IER3IP1: variants seen among roughly 807,000 people sequenced by gnomAD.
The protein encoded by IER3IP1 is immediate early response 3-interacting protein 1.
Under a neutral mutation model 12.2 loss-of-function variants are expected in IER3IP1, and 16 were observed. That is an observed-to-expected ratio of 1.31 (90% confidence interval 0.89 to 1.99). The LOEUF is 1.99. Among genes scored for constraint, IER3IP1 ranks in the 30% most tolerant of loss-of-function variants. The pLI is 0.00. For missense variants in IER3IP1, 95 were observed against 95.8 expected, an observed-to-expected ratio of 0.99 and a Z score of 0.03; for synonymous variants, 42 against 40.0, an observed-to-expected ratio of 1.05 and a Z score of -0.19.
At chr18:47,168,114 A>C (rs977827466) in intron 1 of IER3IP1, among the ~76,000 whole-genome samples, 2 of 140,758 alleles carry the variant, frequency 1.4e-5, no homozygotes, top group African/African-American at 5.4e-5. Context: ...TGACAGAGCA[A>C]GACTCCGTCT....
At chr18:47,159,921 C>A (rs890137361) in intron 1 of IER3IP1, among the ~76,000 whole-genome samples, 2 of 151,706 alleles carry the variant, frequency 1.3e-5, no homozygotes, top group Non-Finnish European at 2.9e-5. Context: ...CTTGGCCGGG[C>A]GCGGTGGCTC....
intron 1 of IER3IP1, among the ~76,000 whole-genome samples, chr18:47,173,965 C>G (rs2064023179): frequency 6.6e-6 from 1 of 152,232 alleles, no homozygotes; most frequent in South Asian, 2.1e-4. Flanking sequence ...GGGCACCAGT[C>G]ATTGGCTCTA....
At chr18:47,173,464 C>A (rs2064021617) in intron 1 of IER3IP1, among the ~76,000 whole-genome samples, 1 of 152,154 alleles carries the variant, frequency 6.6e-6, no homozygotes, top group South Asian at 2.1e-4. Context: ...CCTGCCTAAG[C>A]CTCCAGAGTA....
chr18:47,167,324 T>C lies in IER3IP1; in HGVS notation c.91+8863A>G, dbSNP rs367779950. ...CCTCAGCCTCCCAAAAGGCTGGGAT[T>C]ACAGGCATGAGCCAATGCACCCGGC... On this transcript the variant is annotated intron_variant, in intron 1 of 2. Transcript: ENST00000256433. Among the ~76,000 whole-genome samples, 28 of 152,314 alleles carry C rather than the reference T, an allele frequency of 1.8e-4. 1 individual carries two copies. The East Asian group carries it at 4.8e-3, about 26-fold the overall frequency.
At chr18:47,165,011 C>T (rs1477906276) in intron 1 of IER3IP1, among the ~76,000 whole-genome samples, 6 of 152,318 alleles carry the variant, frequency 3.9e-5, no homozygotes, top group Middle Eastern at 3.4e-3. Context: ...CATCCAGGCT[C>T]AGCCAAAAAC....
chr18:47,160,474 G>A (rs1407987530), intron 1 of IER3IP1, among the ~76,000 whole-genome samples: 1 of 152,194 alleles, frequency 6.6e-6, no homozygotes, highest in African/African-American at 2.4e-5. Flanking sequence ...GCTAACGCAG[G>A]CAAATGACAC....
chr18:47,162,782 C>G (rs771356729), intron 1 of IER3IP1, among the ~76,000 whole-genome samples: 18 of 151,470 alleles, frequency 1.2e-4, no homozygotes, highest in Non-Finnish European at 2.5e-4. Flanking sequence ...AGAAAACAGC[C>G]CAATGAATGA....
Position 47,176,327 on chromosome 18 carries a change from C to A in IER3IP1, c.-50G>T, listed in dbSNP as rs774972631. 27 of 1,508,568 alleles carry A rather than the reference C, an allele frequency of 1.8e-5. No homozygotes were observed. The highest frequency in any genetic ancestry group is 2.4e-5 in the Non-Finnish European group (26 of 1,105,378). 93.4% of individuals were successfully genotyped at this position (1,508,568 alleles called of 1,614,324 possible). ...CCAAGCGATTTCTCTCCCGCCGCCG[C>A]AAGGGACGTGGCGCCTCCACGGCCG... is the stretch of plus-strand genomic sequence containing the variant. On this transcript the variant is annotated 5_prime_UTR_variant, in exon 1 of 3. Transcript: ENST00000256433.
chr18:47,167,270 C>T (rs2063999084), intron 1 of IER3IP1, among the ~76,000 whole-genome samples: 2 of 152,022 alleles, frequency 1.3e-5, no homozygotes, highest in Non-Finnish European at 2.9e-5. Context: ...AGGCTGGTCT[C>T]GAACTCCTGA....
At chr18:47,156,363 A>G (rs1254320705) in intron 2 of IER3IP1, 131 bp from the exon 3 acceptor site, 2 of 640,838 alleles carry the variant, frequency 3.1e-6, no homozygotes, top group Non-Finnish European at 5.5e-6. Flanking sequence ...GTAAAAAGTT[A>G]TAACAAAGAA....
chr18:47,166,959 CT>C (rs2063997878), intron 1 of IER3IP1, among the ~76,000 whole-genome samples: 1 of 152,084 alleles, frequency 6.6e-6, no homozygotes, highest in South Asian at 2.1e-4. Context: ...CAAAATATTT[CT>C]AGGCTACCTC....
chr18:47,174,086 C>T (rs1417795400), intron 1 of IER3IP1, among the ~76,000 whole-genome samples: 2 of 152,206 alleles, frequency 1.3e-5, no homozygotes, highest in South Asian at 2.1e-4. Flanking sequence ...GACTTCAACA[C>T]ATCTTTTTGA....
intron 2 of IER3IP1, among the ~76,000 whole-genome samples, chr18:47,156,710 CTT>C (rs772288192): frequency 2.0e-5 from 3 of 150,914 alleles, no homozygotes; most frequent in African/African-American, 4.9e-5. Context: ...TTTTTGAACT[CTT>C]TTTTTCTTGA....
intron 1 of IER3IP1, among the ~76,000 whole-genome samples, chr18:47,165,337 G>A (rs2063992828): frequency 1.3e-5 from 2 of 152,174 alleles, no homozygotes; most frequent in Non-Finnish European, 2.9e-5. Flanking sequence ...CAGATCACTT[G>A]AGGCCAGAAG....
chr18:47,156,727 C>A (rs1482383019), intron 2 of IER3IP1, among the ~76,000 whole-genome samples: 2 of 151,032 alleles, frequency 1.3e-5, no homozygotes, highest in Admixed American at 6.6e-5. Context: ...TCTTGAATTG[C>A]TCAAAAATAT....
intron 1 of IER3IP1, among the ~76,000 whole-genome samples, chr18:47,165,407 T>C (rs1213427416): frequency 2.0e-5 from 3 of 151,912 alleles, no homozygotes; most frequent in African/African-American, 7.3e-5. Context: ...ACTAAAATTA[T>C]CTGGGCGTGG....
intron 1 of IER3IP1, among the ~76,000 whole-genome samples, chr18:47,169,879 A>AC (rs1392117396): frequency 1.3e-5 from 2 of 152,122 alleles, no homozygotes; most frequent in African/African-American, 4.8e-5. Flanking sequence ...AGTTGTAAAT[A>AC]TTTTATCACA....
At chr18:47,162,166 G>A (rs539453188) in intron 1 of IER3IP1, among the ~76,000 whole-genome samples, 1 of 152,120 alleles carries the variant, frequency 6.6e-6, no homozygotes, top group South Asian at 2.1e-4. Context: ...CCAGGCCACA[G>A]ACCTATTAGG....
Position 47,171,385 on chromosome 18 carries a change from A to C in IER3IP1, c.91+4802T>G, listed in dbSNP as rs1465906520. ...TTCATATTAGGTTAATACTGACATC[A>C]TGGCATGAATTGAAAAGTGTCCTAT... On this transcript the variant is annotated intron_variant, in intron 1 of 2. Coordinates refer to ENST00000256433, the MANE Select transcript of IER3IP1 (RefSeq NM_016097.5). Among the ~76,000 whole-genome samples the C allele has an allele frequency of 3.9e-5, 6 of 152,338 alleles. No individual in the cohort carries two copies. In the East Asian group the frequency reaches 9.6e-4, roughly 24 times the overall value.
Sources: allele counts gnomAD v4.1 joint callset (sites outside exome capture counted in the v4.1 genomes callset), GRCh38; gene constraint gnomAD v4.1.1; transcripts MANE v1.5; gene names NCBI Gene and HGNC (gene_info 2026-07-23, HGNC 2026-07-21).